The following GNG12 variants were observed in gnomAD, a reference collection of about 807,000 sequenced individuals.
GNG12 encodes the protein G protein subunit gamma 12, also known as guanine nucleotide-binding protein G(I)/G(S)/G(O) subunit gamma-12.
For missense variants in GNG12, 69 were observed against 83.8 expected, an observed-to-expected ratio of 0.82 and a Z score of 0.69; for synonymous variants, 28 against 29.7, an observed-to-expected ratio of 0.94 and a Z score of 0.19.
At chr1:67,776,224 G>A (rs1160556053) in intron 2 of GNG12, among the ~76,000 whole-genome samples, 1 of 152,116 alleles carries the variant, frequency 6.6e-6, no homozygotes, top group Non-Finnish European at 1.5e-5. Context: ...GACAGTGCTG[G>A]CAGTCAGAAT....
At chr1:67,745,758 T>A (rs1004814626) in intron 2 of GNG12, among the ~76,000 whole-genome samples, 1 of 152,138 alleles carries the variant, frequency 6.6e-6, no homozygotes, top group African/African-American at 2.4e-5. Flanking sequence ...AAAAAATAAA[T>A]AAATACATAA....
At position 67,755,410 on chromosome 1, in the gene GNG12, G is replaced by C. The variant is rs191498429; in HGVS notation, c.-27+22048C>G. ...TTATTAGGTACAAATCTTGTTTCTT[G>C]TTTTAGACTGTGGTCTTTTTAAGGG... On this transcript the variant is annotated intron_variant, in intron 2 of 3. Transcript: ENST00000370982. Among the ~76,000 whole-genome samples the C allele has an allele frequency of 2.9e-3, 436 of 152,218 alleles. 1 individual carries two copies. The highest frequency in any genetic ancestry group is 4.2e-3 in the Non-Finnish European group (285 of 67,992).
intron 2 of GNG12, among the ~76,000 whole-genome samples, chr1:67,766,861 C>T (rs559757161): frequency 4.8e-4 from 73 of 152,228 alleles, no homozygotes; most frequent in Non-Finnish European, 1.8e-4. Context: ...TTCCCCCTCA[C>T]GGAAAGGGTT....
intron 2 of GNG12, among the ~76,000 whole-genome samples, chr1:67,751,015 T>C (rs1374560227): frequency 1.3e-5 from 2 of 152,192 alleles, no homozygotes; most frequent in African/African-American, 2.4e-5. Flanking sequence ...GCATGAACTT[T>C]TGTTTTTCCT....
intron 1 of GNG12, among the ~76,000 whole-genome samples, chr1:67,791,129 C>CA (rs1646799967): frequency 6.6e-6 from 1 of 152,070 alleles, no homozygotes; most frequent in Non-Finnish European, 1.5e-5. Context: ...TCAAAGCCAG[C>CA]TTTTACTCCT....
At chr1:67,787,153 A>C (rs1646775867) in intron 1 of GNG12, among the ~76,000 whole-genome samples, 1 of 151,686 alleles carries the variant, frequency 6.6e-6, no homozygotes, top group Admixed American at 6.6e-5. Context: ...ACATAATCTA[A>C]TCGCAGTAAG....
chr1:67,710,206 TTATATATATAGTTA>T (rs1252839236), intron 2 of GNG12, among the ~76,000 whole-genome samples: 1 of 30,682 alleles, frequency 3.3e-5, no homozygotes, highest in Non-Finnish European at 8.5e-5. Flanking sequence ...ATATATATAG[TTATATATATAGTTA>T]TATATATATA....
chr1:67,725,577 TCTAA>T (rs929178005), intron 2 of GNG12, among the ~76,000 whole-genome samples: 5 of 152,316 alleles, frequency 3.3e-5, no homozygotes, highest in Admixed American at 2.0e-4. Context: ...TTCTGACAGT[TCTAA>T]CTCATTCCCT....
At chr1:67,741,981 T>G (rs1005358690) in intron 2 of GNG12, among the ~76,000 whole-genome samples, 3 of 152,190 alleles carry the variant, frequency 2.0e-5, no homozygotes, top group African/African-American at 7.2e-5. Flanking sequence ...GGCCCACAGG[T>G]GGCTGAGGCT....
intron 2 of GNG12, among the ~76,000 whole-genome samples, chr1:67,745,164 T>G (rs1341219935): frequency 3.3e-5 from 5 of 152,226 alleles, no homozygotes. Flanking sequence ...TTCTCTTGTA[T>G]GGGTACTTAT....
At chr1:67,773,540 T>G (rs12070641) in intron 2 of GNG12, among the ~76,000 whole-genome samples, 1,809 of 152,260 alleles carry the variant, frequency 0.012, 25 homozygotes, top group African/African-American at 0.031. Flanking sequence ...CAAAAGGCAC[T>G]GAATGTTCCA....
At chr1:67,817,307 T>C (rs1646958502) in intron 1 of GNG12, among the ~76,000 whole-genome samples, 7 of 152,220 alleles carry the variant, frequency 4.6e-5, no homozygotes. Flanking sequence ...ACTTTATGTA[T>C]ACAATCTCAA....
At chr1:67,747,345 C>T (rs2100720724) in intron 2 of GNG12, among the ~76,000 whole-genome samples, 1 of 152,294 alleles carries the variant, frequency 6.6e-6, no homozygotes, top group East Asian at 1.9e-4. Context: ...ATCTCGAACT[C>T]CTGACCTCAA....
At chr1:67,754,937 G>C (rs1646559557) in intron 2 of GNG12, among the ~76,000 whole-genome samples, 1 of 152,252 alleles carries the variant, frequency 6.6e-6, no homozygotes, top group South Asian at 2.1e-4. Context: ...GGTAAATCCA[G>C]ATTGGTCTAG....
rs551479091 is a variant in GNG12 at position 67,833,442 on chromosome 1, C to T, written c.-175G>A. The T allele has an allele frequency of 3.0e-6, 3 of 985,366 alleles. No homozygotes were observed. Among genetic ancestry groups the T allele is most frequent in the Admixed American group, 6.1e-5 (1 of 16,266 alleles). The allele number at this position is 985,366 out of a possible 1,614,324, so 61.0% of individuals were successfully genotyped here. ...CTCTCCTCCTCCTCCTCCTCTTGCT[C>T]CTCCGGGCGCCGGCTCCGCCTCGCT... On this transcript the variant is annotated 5_prime_UTR_variant, in exon 1 of 4. Transcript: ENST00000370982.
intron 2 of GNG12, among the ~76,000 whole-genome samples, chr1:67,725,610 T>C (rs1433481209): frequency 6.6e-6 from 1 of 152,212 alleles, no homozygotes; most frequent in African/African-American, 2.4e-5. Flanking sequence ...TAGAATTCTC[T>C]CTCTCTAAAA....
At position 67,833,391 on chromosome 1, in the gene GNG12, T is replaced by C. The variant is rs1056824345; in HGVS notation, c.-124A>G. On this transcript the variant is annotated 5_prime_UTR_variant, in exon 1 of 4. Coordinates refer to ENST00000370982, the MANE Select transcript of GNG12 (RefSeq NM_018841.6). ...GCCGTCGCCGCCGGGACTCGGTCTCTAAGGGCTCCTGGAGACGGCTCCGAC... is the reference window on the plus strand; with the variant it reads ...GCCGTCGCCGCCGGGACTCGGTCTCCAAGGGCTCCTGGAGACGGCTCCGAC... 2.0e-6 allele frequency: 2 copies of C among 985,390 alleles called. No individual in the cohort carries two copies. The highest frequency in any genetic ancestry group is 3.5e-5 in the African/African-American group (2 of 57,112). 61.0% of individuals were successfully genotyped at this position (985,390 alleles called of 1,614,324 possible). A position where few individuals can be genotyped will look rare whatever the true frequency, so the allele number is the denominator to read the frequency against.
At chr1:67,805,309 T>G (rs909996594) in intron 1 of GNG12, among the ~76,000 whole-genome samples, 4 of 152,204 alleles carry the variant, frequency 2.6e-5, no homozygotes, top group Non-Finnish European at 5.9e-5. Context: ...CAAGGCATAC[T>G]AAAAGACAAA....
At chr1:67,743,146 A>T (rs1646491621) in intron 2 of GNG12, among the ~76,000 whole-genome samples, 1 of 152,198 alleles carries the variant, frequency 6.6e-6, no homozygotes, top group Non-Finnish European at 1.5e-5. Flanking sequence ...ACATTTCTAG[A>T]GTGTTACCAT....
Sources: gnomAD v4.1 joint callset for allele counts (sites outside exome capture counted in the v4.1 genomes callset) on GRCh38, gnomAD v4.1.1 for gene constraint, MANE v1.5 for transcripts, NCBI Gene and HGNC (gene_info 2026-07-23, HGNC 2026-07-21) for gene names.